Variants in SEMA3D observed in about 807,000 individuals in gnomAD.
SEMA3D encodes semaphorin 3D.
SEMA3D carries 84 observed loss-of-function variants against 100.1 expected under a neutral mutation model. That is an observed-to-expected ratio of 0.84 (90% CI 0.70 to 1.01). The LOEUF is 1.01. SEMA3D is among the 50% of genes least tolerant of loss of function. SEMA3D has a pLI of 0.00. For missense variants in SEMA3D, 875 were observed against 934.1 expected (o/e 0.94, Z 0.82); for synonymous variants, 312 against 320.7 (o/e 0.97, Z 0.29).
At chr7:85,155,039 T>G (rs1790546981) in intron 1 of SEMA3D, among the ~76,000 whole-genome samples, 1 of 152,186 alleles carries the variant, frequency 6.6e-6, no homozygotes, top group Non-Finnish European at 1.5e-5. Flanking sequence ...CATCTTGCAT[T>G]GCAAAGTTTT....
At chr7:85,228,896 A>T in the SEMA3D span, among the ~76,000 whole-genome samples, 1 of 152,060 alleles carries the variant, frequency 6.6e-6, no homozygotes, top group East Asian at 1.9e-4. Flanking sequence ...TTTTTTAACA[A>T]TGTTGGTAAT....
chr7:85,040,595 C>A, intron 11 of SEMA3D, 78 bp downstream of exon 11: 1 of 760,744 alleles, frequency 1.3e-6, no homozygotes, highest in South Asian at 1.6e-5. Context: ...AACGCAGGGA[C>A]AAAAAGATCC....
intron 12 of SEMA3D, chr7:85,029,057 C>G (rs1584535144): frequency 3.9e-6 from 2 of 517,030 alleles, no homozygotes; most frequent in East Asian, 8.3e-5. Flanking sequence ...GGAGTCATGG[C>G]TGTCCTCATC....
the SEMA3D span, among the ~76,000 whole-genome samples, chr7:85,231,159 A>G: frequency 2.0e-5 from 3 of 152,074 alleles, no homozygotes; most frequent in Non-Finnish European, 2.9e-5. Flanking sequence ...TTAAAAGTAG[A>G]CAGTGCCAGG....
chr7:85,093,477 A>T (rs1251993593), intron 4 of SEMA3D, among the ~76,000 whole-genome samples: 1 of 152,032 alleles, frequency 6.6e-6, no homozygotes, highest in Non-Finnish European at 1.5e-5. Context: ...TGCCAATCCC[A>T]AGAGTGGCCG....
intron 1 of SEMA3D, chr7:85,157,722 C>A (rs1177399469): frequency 9.5e-6 from 7 of 733,594 alleles, no homozygotes; most frequent in Non-Finnish European, 1.2e-5. Context: ...AGGTGTAGCT[C>A]TTCTCCTCAA....
the SEMA3D span, among the ~76,000 whole-genome samples, chr7:85,196,145 T>TC: frequency 1.3e-5 from 2 of 152,132 alleles, no homozygotes; most frequent in Admixed American, 6.6e-5. Context: ...AGCAGCTTTT[T>TC]CCCCCGCAAC....
chr7:85,164,992 C>T (rs932368593), intron 1 of SEMA3D, among the ~76,000 whole-genome samples: 4 of 84,400 alleles, frequency 4.7e-5, no homozygotes, highest in Admixed American at 3.4e-4. Context: ...CTATCCCTCC[C>T]CCTTCCCCCC....
At chr7:85,110,019 C>T (rs2116361410) in intron 3 of SEMA3D, among the ~76,000 whole-genome samples, 1 of 151,996 alleles carries the variant, frequency 6.6e-6, no homozygotes, top group South Asian at 2.1e-4. Flanking sequence ...CACATTTATG[C>T]AAAAACAAAG....
chr7:85,040,596 A>G, intron 11 of SEMA3D, 77 bp downstream of exon 11: 1 of 774,618 alleles, frequency 1.3e-6, no homozygotes, highest in South Asian at 1.6e-5. Flanking sequence ...ACGCAGGGAC[A>G]AAAAGATCCT....
chr7:85,136,799 T>C (rs1789878806), intron 2 of SEMA3D, among the ~76,000 whole-genome samples: 1 of 152,112 alleles, frequency 6.6e-6, no homozygotes, highest in Non-Finnish European at 1.5e-5. Context: ...GATTTTCCAG[T>C]TACTCTTTGA....
chr7:85,172,725 C>T (rs747279535), intron 1 of SEMA3D, among the ~76,000 whole-genome samples: 1 of 151,996 alleles, frequency 6.6e-6, no homozygotes. Flanking sequence ...GCATTCTGGG[C>T]TCTCTTAGCA....
chr7:85,200,759 C>G, the SEMA3D span, among the ~76,000 whole-genome samples: 3 of 152,292 alleles, frequency 2.0e-5, no homozygotes, highest in South Asian at 6.2e-4. Context: ...TTCAGGGCAG[C>G]CCCTCCCATC....
intron 9 of SEMA3D, among the ~76,000 whole-genome samples, chr7:85,046,488 C>A (rs1791012358): frequency 6.6e-6 from 1 of 151,764 alleles, no homozygotes; most frequent in African/African-American, 2.4e-5. Context: ...GATAAAAAAC[C>A]AAGACAAAAC....
At chr7:85,042,058 AAGGTTTGCTC>A (rs1790879648) in intron 10 of SEMA3D, 103 bp downstream of exon 10, 2 of 782,740 alleles carry the variant, frequency 2.6e-6, no homozygotes, top group Non-Finnish European at 2.2e-6. Flanking sequence ...CCACTCCTGT[AAGGTTTGCTC>A]AGGTAAAATT....
chr7:85,135,692 AAGAAAAAATT>A (rs1350454867), intron 2 of SEMA3D, among the ~76,000 whole-genome samples: 68 of 151,070 alleles, frequency 4.5e-4, no homozygotes, highest in Non-Finnish European at 7.4e-4. Flanking sequence ...AACATTAAAA[AAGAAAAAATT>A]AGAAAAAATT....
chr7:85,077,998 TAG>T (rs1787934132), intron 5 of SEMA3D, among the ~76,000 whole-genome samples: 1 of 152,106 alleles, frequency 6.6e-6, no homozygotes, highest in Non-Finnish European at 1.5e-5. Flanking sequence ...CTATTAAAAG[TAG>T]TGTTAAAGAA....
rs748469336 is a variant in SEMA3D, at chr7:85,065,439, G to T, written c.703C>A (p.His235Asn). 1 of 1,613,272 alleles carries T rather than the reference G, an allele frequency of 6.2e-7. No individual in the cohort carries two copies. The highest frequency in any genetic ancestry group is 8.5e-7 in the Non-Finnish European group (1 of 1,179,448). Reference protein sequence around the residue: ...HHYIRTDISEHYWLNGAKFIG... With the variant: ...HHYIRTDISENYWLNGAKFIG... ...AATCACAAACCATTGAGCCAGTAGT[G>T]CTCTGAAATGTCAGTTCTGATGTAG... The change falls in exon 8 of 19, where the codon CAC (histidine) becomes AAC (asparagine). Residue 235 changes from histidine (H) to asparagine (N), a missense_variant. Coordinates refer to ENST00000284136, the MANE Select transcript of SEMA3D (RefSeq NM_001384900.1).
At chr7:85,184,122 T>C (rs769220661) in intron 1 of SEMA3D, among the ~76,000 whole-genome samples, 32 of 152,226 alleles carry the variant, frequency 2.1e-4, no homozygotes, top group Non-Finnish European at 4.1e-4. Flanking sequence ...TTCATTCTCA[T>C]TCTCAACCAT....
Sources: gnomAD v4.1 joint callset for allele counts (sites outside exome capture counted in the v4.1 genomes callset) on GRCh38, gnomAD v4.1.1 for gene constraint, MANE v1.5 for transcripts, NCBI Gene and HGNC (gene_info 2026-07-23, HGNC 2026-07-21) for gene names.